The following DCC variants were observed in gnomAD, a reference collection of about 807,000 sequenced individuals.
The protein encoded by DCC is netrin receptor DCC.
Under a neutral mutation model 172.5 loss-of-function variants are expected in DCC, and 58 were observed. The ratio of observed to expected loss-of-function variants is 0.34; its 90% CI spans 0.27 to 0.42. The LOEUF is 0.42. Ranked by LOEUF, DCC falls within the 10% of genes least tolerant of loss-of-function variation. DCC has a pLI of 1.00. For synonymous variants in DCC, 709 were observed against 644.5 expected, an observed-to-expected ratio of 1.10 and a Z score of -1.52; for missense variants, 1,740 against 1,791.0, an observed-to-expected ratio of 0.97 and a Z score of 0.51.
At chr18:53,091,359 A>G (rs1372085091) in intron 7 of DCC, among the ~76,000 whole-genome samples, 2 of 148,030 alleles carry the variant, frequency 1.4e-5, no homozygotes, top group East Asian at 1.9e-4. Context: ...GAAAATATAT[A>G]TACTAATATA....
Position 53,126,875 on chromosome 18 carries a change from T to G in DCC, c.1262-30481T>G, listed in dbSNP as rs559183916. Among the ~76,000 whole-genome samples, 214 of 152,214 alleles carry G rather than the reference T, an allele frequency of 1.4e-3. 2 individuals carry two copies. The highest frequency in any genetic ancestry group is 5.0e-3 in the African/African-American group (209 of 41,570). ...GAAACTCACAAATGAGAGCTTAAAA[T>G]GAGGTTATGCTGTCTACTTCAGAAT... On this transcript the variant is annotated intron_variant, in intron 7 of 28. Coordinates refer to ENST00000442544, the MANE Select transcript of DCC (RefSeq NM_005215.4).
At chr18:53,073,573 T>C (rs2042684748) in intron 7 of DCC, among the ~76,000 whole-genome samples, 1 of 152,122 alleles carries the variant, frequency 6.6e-6, no homozygotes, top group South Asian at 2.1e-4. Flanking sequence ...TAAATGCTGG[T>C]TTTATTTTTT....
chr18:52,785,603 T>C (rs2037642747), intron 2 of DCC, among the ~76,000 whole-genome samples: 1 of 152,000 alleles, frequency 6.6e-6, no homozygotes, highest in Non-Finnish European at 1.5e-5. Context: ...TGTGTCCATG[T>C]TTGTTTGGTC....
intron 7 of DCC, among the ~76,000 whole-genome samples, chr18:53,070,068 C>T (rs1599095404): frequency 2.6e-5 from 4 of 152,108 alleles, no homozygotes; most frequent in Middle Eastern, 3.4e-3. Flanking sequence ...CAACCTCCGC[C>T]TCCCAGGTTC....
chr18:52,967,903 A>G (rs2040961679), intron 5 of DCC, among the ~76,000 whole-genome samples: 1 of 152,208 alleles, frequency 6.6e-6, no homozygotes, highest in Admixed American at 6.5e-5. Context: ...ATGATGTAAT[A>G]TATGCCTATG....
chr18:53,168,094 G>A (rs2097021525), intron 8 of DCC, among the ~76,000 whole-genome samples: 1 of 152,212 alleles, frequency 6.6e-6, no homozygotes, highest in Non-Finnish European at 1.5e-5. Flanking sequence ...GGAGAAATAA[G>A]AATACTTTTA....
chr18:52,707,817 T>C (rs888290433), intron 1 of DCC, among the ~76,000 whole-genome samples: 6 of 152,124 alleles, frequency 3.9e-5, no homozygotes, highest in African/African-American at 1.4e-4. Context: ...GACAAACTCA[T>C]AGAACCAGAG....
intron 2 of DCC, among the ~76,000 whole-genome samples, chr18:52,826,296 G>A (rs73956008): frequency 0.016 from 2,384 of 152,182 alleles, 68 homozygotes; most frequent in African/African-American, 0.055. Flanking sequence ...AACAGTTAGG[G>A]CAAGAGATAG....
intron 12 of DCC, among the ~76,000 whole-genome samples, chr18:53,262,945 T>G (rs2056623302): frequency 6.6e-6 from 1 of 152,182 alleles, no homozygotes; most frequent in Non-Finnish European, 1.5e-5. Context: ...GTAAACAACT[T>G]TAAGAATACA....
chr18:52,504,122 G>A (rs544304980), intron 1 of DCC, among the ~76,000 whole-genome samples: 37 of 152,178 alleles, frequency 2.4e-4, no homozygotes, highest in Non-Finnish European at 7.4e-5. Flanking sequence ...CCAGCTTCCC[G>A]TTCAAAGAGG....
Position 53,534,064 on chromosome 18 carries a change from C to T in DCC, c.*3411C>T, listed in dbSNP as rs2046549510. On this transcript the variant is annotated 3_prime_UTR_variant, in exon 29 of 29. Coordinates refer to ENST00000442544, the MANE Select transcript of DCC (RefSeq NM_005215.4). ...GAAGATGATTGCTGATACTTATCCA[C>T]CCTTTGGGTACTTCTGTTGACTTTG... The T allele has an allele frequency of 6.6e-6, 1 of 152,166 alleles. No homozygotes were observed. Among genetic ancestry groups the T allele is most frequent in the African/African-American group, 2.4e-5 (1 of 41,428 alleles). The allele number at this position is 152,166 out of a possible 1,614,324, so 9.4% of individuals were successfully genotyped here. A position where few individuals can be genotyped will look rare whatever the true frequency, so the allele number is the denominator to read the frequency against.
intron 1 of DCC, among the ~76,000 whole-genome samples, chr18:52,353,650 T>A (rs1042488297): frequency 1.3e-5 from 2 of 152,172 alleles, no homozygotes; most frequent in African/African-American, 2.4e-5. Flanking sequence ...GGCAGAAAGC[T>A]CAGTGCAGGG....
At chr18:52,790,456 G>T (rs1267352530) in intron 2 of DCC, among the ~76,000 whole-genome samples, 1 of 152,082 alleles carries the variant, frequency 6.6e-6, no homozygotes, top group African/African-American at 2.4e-5. Context: ...AGCCTGAATG[G>T]TAAGAAATTT....
chr18:52,369,774 G>T (rs1277719293), intron 1 of DCC, among the ~76,000 whole-genome samples: 1 of 152,010 alleles, frequency 6.6e-6, no homozygotes, highest in African/African-American at 2.4e-5. Flanking sequence ...GGTCTGTCAT[G>T]ACTATATATC....
intron 5 of DCC, among the ~76,000 whole-genome samples, chr18:52,960,234 A>T (rs2040821114): frequency 6.6e-6 from 1 of 152,160 alleles, no homozygotes. Flanking sequence ...AGAATGACAG[A>T]TTAAGGAGGG....
chr18:52,827,316 T>A (rs2038528391), intron 2 of DCC, among the ~76,000 whole-genome samples: 1 of 152,224 alleles, frequency 6.6e-6, no homozygotes, highest in Non-Finnish European at 1.5e-5. Context: ...AATAGCTACA[T>A]CCTGAGCTTC....
intron 5 of DCC, among the ~76,000 whole-genome samples, chr18:53,009,206 A>G (rs2041691616): frequency 6.6e-6 from 1 of 151,950 alleles, no homozygotes. Context: ...TATTTATTTA[A>G]AACTCAGCCT....
chr18:52,457,620 G>T (rs1443667837), intron 1 of DCC, among the ~76,000 whole-genome samples: 1 of 152,036 alleles, frequency 6.6e-6, no homozygotes, highest in Non-Finnish European at 1.5e-5. Flanking sequence ...GTTAGTAAAC[G>T]GCCAAAGAAA....
At chr18:52,992,818 T>C (rs182948511) in intron 5 of DCC, among the ~76,000 whole-genome samples, 6 of 151,884 alleles carry the variant, frequency 4.0e-5, no homozygotes, top group Admixed American at 2.0e-4. Flanking sequence ...TCTACCAAAA[T>C]TACAAAATTA....
Sources: allele counts gnomAD v4.1 joint callset (sites outside exome capture counted in the v4.1 genomes callset), GRCh38; gene constraint gnomAD v4.1.1; transcripts MANE v1.5; gene names NCBI Gene and HGNC (gene_info 2026-07-23, HGNC 2026-07-21).